ARHGEF25: variants seen among roughly 807,000 people sequenced by gnomAD.
ARHGEF25 encodes RAC/CDC42 exchange factor.
ARHGEF25 carries 42 observed loss-of-function variants against 74.0 expected under a neutral mutation model. The observed-to-expected ratio is 0.57, with a 90% CI of 0.44 to 0.73. ARHGEF25 has a LOEUF of 0.73. Ranked by LOEUF, ARHGEF25 falls within the 30% of genes least tolerant of loss-of-function variation. The pLI, the probability that ARHGEF25 is intolerant of heterozygous loss-of-function variation, is 0.00. For missense variants in ARHGEF25, 645 were observed against 725.5 expected (o/e 0.89, Z 1.27); for synonymous variants, 293 against 278.6 (o/e 1.05, Z -0.51).
intron 1 of ARHGEF25, 132 bp downstream of exon 1, chr12:57,612,123 T>TTAGG: frequency 1.5e-6 from 1 of 686,032 alleles, no homozygotes; most frequent in Non-Finnish European, 2.1e-6. Context: ...GTTTCTTAAG[T>TTAGG]GATCCCTAAG....
intron 3 of ARHGEF25, 29 bp downstream of exon 3, chr12:57,613,388 T>A (rs1291585978): frequency 1.2e-6 from 2 of 1,614,206 alleles, no homozygotes; most frequent in Admixed American, 1.7e-5. Flanking sequence ...GGGAGGCTCC[T>A]TTCACTCAAG....
At position 57,612,967 on chromosome 12, in the gene ARHGEF25, G is replaced by A. The variant is rs1389479927; in HGVS notation, c.135G>A (p.Ser45=). The part of the protein sequence containing the change: ...YSIAGSEGSI[S]ASAASGLAAP... ...TTGCGGGCAGTGAGGGGAGTATATC[G>A]GCTTCTGCTGCCTCCGGTCTGGCTG... Residue 45 remains serine, a synonymous_variant, in exon 2 of 15, where the codon TCG becomes TCA. Transcript: ENST00000286494. 11 of 1,614,074 alleles carry A rather than the reference G, an allele frequency of 6.8e-6. No individual in the cohort carries two copies. The highest frequency in any genetic ancestry group is 4.5e-5 in the East Asian group (2 of 44,872).
At chr12:57,615,179 T>C in intron 10 of ARHGEF25, 58 bp from the exon 11 acceptor site, 1 of 1,562,454 alleles carries the variant, frequency 6.4e-7, no homozygotes, top group Non-Finnish European at 8.7e-7. Context: ...CGAGGAGGCC[T>C]CTTTCCCAAT....
Position 57,613,411 on chromosome 12 carries a change from G to T in ARHGEF25, c.409-29G>T, listed in dbSNP as rs371542216. The T allele has an allele frequency of 9.3e-6, 15 of 1,613,930 alleles. No individual in the cohort carries two copies. In the African/African-American group the frequency reaches 1.9e-4, roughly 20 times the overall value. ...CCTTTCACTCAAGGGGCATTCGTTT[G>T]CTCACCCTAGGATGTTCTTTCCTTC... On this transcript the variant is annotated intron_variant, in intron 3 of 14. Transcript: ENST00000286494.
intron 1 of ARHGEF25, 170 bp downstream of exon 1, chr12:57,612,161 G>T (rs1884083288): frequency 2.3e-6 from 1 of 434,514 alleles, no homozygotes; most frequent in Non-Finnish European, 3.7e-6. Flanking sequence ...ATTTCTGTTA[G>T]TTCAAGTTAA....
chr12:57,610,938 C>A (rs1006506760), upstream of ARHGEF25, among the ~76,000 whole-genome samples: 1 of 152,196 alleles, frequency 6.6e-6, no homozygotes. Flanking sequence ...CAGGACTTCG[C>A]CTTAATTGGC....
intron 14 of ARHGEF25, 121 bp from the exon 15 acceptor site, chr12:57,616,657 GATAGTC>G: frequency 1.0e-6 from 1 of 974,604 alleles, no homozygotes; most frequent in Non-Finnish European, 1.6e-6. Flanking sequence ...TGGAGAAGCT[GATAGTC>G]TCAGACAGTC....
upstream of ARHGEF25, among the ~76,000 whole-genome samples, chr12:57,610,964 G>A (rs1347778047): frequency 6.6e-6 from 1 of 152,170 alleles, no homozygotes; most frequent in Non-Finnish European, 1.5e-5. Flanking sequence ...GTCTTAGCTG[G>A]AGTCCCGGGG....
Position 57,611,636 on chromosome 12 carries a change from G to T in ARHGEF25, c.-259G>T. The T allele has an allele frequency of 4.7e-6, 5 of 1,065,070 alleles. No homozygotes were observed. Among genetic ancestry groups the T allele is most frequent in the Non-Finnish European group, 5.7e-6 (5 of 881,400 alleles). The allele number at this position is 1,065,070 out of a possible 1,614,324, so 66.0% of individuals were successfully genotyped here. On this transcript the variant is annotated 5_prime_UTR_variant, in exon 1 of 15. In the 5' UTR this introduces an upstream ATG that the reference lacks. Transcript: ENST00000286494. This position sits in a 1 kb window ranked among gnomAD's most constrained non-coding sequence, Gnocchi z 4.5. ...TGGACCCTAGGCCCCCGCACCGACA[G>T]GGTTCCGGAAACCCTCCCCGCCCAG...
At chr12:57,615,795 G>T in intron 12 of ARHGEF25, 42 bp from the exon 13 acceptor site, 1 of 1,612,480 alleles carries the variant, frequency 6.2e-7, no homozygotes. Flanking sequence ...AGCCAGGGAG[G>T]GCCTGAGGAA....
intron 10 of ARHGEF25, 76 bp downstream of exon 10, chr12:57,615,093 T>C (rs1884224878): frequency 6.3e-7 from 1 of 1,593,404 alleles, no homozygotes; most frequent in African/African-American, 1.3e-5. Context: ...CCCCAGCCCC[T>C]TGGGTGGTTT....
Position 57,614,537 on chromosome 12 carries a change from G to A in ARHGEF25, c.748G>A (p.Val250Met). 1 of 1,614,060 alleles carries A rather than the reference G, an allele frequency of 6.2e-7. No individual in the cohort carries two copies. The highest frequency in any genetic ancestry group is 8.5e-7 in the Non-Finnish European group (1 of 1,180,028). Residue 250 changes from valine (V) to methionine (M), a missense_variant, in exon 8 of 15, where the codon GTG (valine) becomes ATG (methionine). Val to Met is a conservative substitution (Grantham distance 21). Around this residue, in one of 3 missense-constraint regions of ARHGEF25, gnomAD observed 194 missense variants for 269.4 expected, o/e 0.72. Coordinates refer to ENST00000286494, the MANE Select transcript of ARHGEF25 (RefSeq NM_182947.4). This position sits in a 1 kb window ranked among gnomAD's most constrained non-coding sequence, Gnocchi z 4.6. ...IKHERRLHMY[V>M]VYCQNKPKSE... The stretch of plus-strand genomic sequence containing the variant: ...TTAGGAGCGCCGGCTGCATATGTAT[G>A]TGGTGTACTGTCAGAATAAGCCCAA...
chr12:57,614,450 G>T lies in ARHGEF25; in HGVS notation c.726+50G>T. On this transcript the variant is annotated intron_variant, in intron 7 of 14. Coordinates refer to ENST00000286494, the MANE Select transcript of ARHGEF25 (RefSeq NM_182947.4). The surrounding 1 kb of genome is among the most constrained non-coding windows in gnomAD (Gnocchi z 4.6). Reference sequence around the variant, plus strand: ...GGGGCGGGGCTTAGGAATGGGCTGGGATTCTCTGGAGATGCGTCCTCCCTC... The same window carrying T: ...GGGGCGGGGCTTAGGAATGGGCTGGTATTCTCTGGAGATGCGTCCTCCCTC... The T allele has an allele frequency of 6.2e-7, 1 of 1,613,990 alleles. No individual in the cohort carries two copies. The highest frequency in any genetic ancestry group is 8.5e-7 in the Non-Finnish European group (1 of 1,179,936).
Position 57,611,672 on chromosome 12 carries a change from G to C in ARHGEF25, c.-223G>C, listed in dbSNP as rs1284900200. ...ACCCTCCCCGCCCAGCCCGGCGGCC[G>C]GGCCCCGCGCCTCTCTCTCTCTAGA... On this transcript the variant is annotated 5_prime_UTR_variant, in exon 1 of 15. Transcript: ENST00000286494. This position sits in a 1 kb window ranked among gnomAD's most constrained non-coding sequence, Gnocchi z 4.5. 5.4e-6 allele frequency: 6 copies of C among 1,110,322 alleles called. No individual in the cohort carries two copies. Among genetic ancestry groups the C allele is most frequent in the Non-Finnish European group, 6.6e-6 (6 of 910,668 alleles). The allele number at this position is 1,110,322 out of a possible 1,614,324, so 68.8% of individuals were successfully genotyped here.
intron 4 of ARHGEF25, 54 bp from the exon 5 acceptor site, chr12:57,613,640 A>T: frequency 6.2e-7 from 1 of 1,612,206 alleles, no homozygotes; most frequent in Non-Finnish European, 8.5e-7. Context: ...AACGGGCTGA[A>T]CCAAGGATGA....
Position 57,614,511 on chromosome 12 carries a change from G to T in ARHGEF25, c.727-5G>T. 6.2e-7 allele frequency: 1 copy of T among 1,614,070 alleles called. No individual in the cohort carries two copies. Among genetic ancestry groups the T allele is most frequent in the Non-Finnish European group, 8.5e-7 (1 of 1,180,038 alleles). On this transcript the variant is annotated splice_polypyrimidine_tract_variant and splice_region_variant and intron_variant, in intron 7 of 14. Coordinates refer to ENST00000286494, the MANE Select transcript of ARHGEF25 (RefSeq NM_182947.4). The surrounding 1 kb of genome is among the most constrained non-coding windows in gnomAD (Gnocchi z 4.6). The stretch of plus-strand genomic sequence containing the variant: ...CTGCTCTCTCTTAAACATTACCCCT[G>T]TTAGGAGCGCCGGCTGCATATGTAT...
intron 13 of ARHGEF25, 92 bp from the exon 14 acceptor site, chr12:57,616,192 G>C (rs891605253): frequency 1.4e-6 from 2 of 1,471,244 alleles, no homozygotes; most frequent in African/African-American, 1.4e-5. Context: ...TTGGCTGACA[G>C]GGAGGGAGGG....
chr12:57,613,837 G>A (rs1884163535), intron 5 of ARHGEF25, 77 bp downstream of exon 5: 2 of 1,565,376 alleles, frequency 1.3e-6, no homozygotes, highest in Admixed American at 1.8e-5. Flanking sequence ...GAGGTGCCTG[G>A]GCGCTCCTCT....
upstream of ARHGEF25, chr12:57,610,237 C>A: frequency 6.2e-7 from 1 of 1,601,256 alleles, no homozygotes. Context: ...CGGACCGCCC[C>A]GCCCCTGGCC....
Sources: allele counts gnomAD v4.1 joint callset (sites outside exome capture counted in the v4.1 genomes callset), GRCh38; gene constraint gnomAD v4.1.1; regional missense constraint gnomAD v4.1.1; non-coding constraint Gnocchi (gnomAD v3.1); transcripts MANE v1.5; gene names NCBI Gene and HGNC (gene_info 2026-07-23, HGNC 2026-07-21).